The following NFASC variants were observed in gnomAD, a reference collection of about 807,000 sequenced individuals.
The protein encoded by NFASC is neurofascin homolog.
A neutral mutation model predicts 147.5 loss-of-function variants in NFASC; 43 were observed. The ratio of observed to expected loss-of-function variants is 0.29; its 90% confidence interval spans 0.23 to 0.38. The LOEUF (loss-of-function observed/expected upper bound fraction) is 0.38. NFASC is among the 10% of genes least tolerant of loss of function. The pLI, the probability that NFASC is intolerant of heterozygous loss-of-function variation, is 1.00. For synonymous variants in NFASC, 622 were observed against 665.5 expected (o/e 0.93, Z 1.01); for missense variants, 1,320 against 1,689.0 (o/e 0.78, Z 3.83).
chr1:204,866,282 G>A (rs1278649767), intron 1 of NFASC, among the ~76,000 whole-genome samples: 1 of 152,172 alleles, frequency 6.6e-6, no homozygotes, highest in African/African-American at 2.4e-5. Context: ...GAGTGTGTGC[G>A]TAGTGGGGGC....
intron 7 of NFASC, among the ~76,000 whole-genome samples, chr1:204,956,570 G>A (rs115930085): frequency 0.011 from 1,649 of 152,236 alleles, 24 homozygotes; most frequent in Non-Finnish European, 0.016. Context: ...TGTTCTGCTC[G>A]CCACGCTGCA....
At chr1:204,944,428 T>C (rs752463130) in intron 3 of NFASC, 22 bp downstream of exon 3, 250 of 1,238,624 alleles carry the variant, frequency 2.0e-4, no homozygotes, top group Non-Finnish European at 2.6e-4. Flanking sequence ...CCCATTCTCT[T>C]CTCTTTTTTT....
intron 24 of NFASC, among the ~76,000 whole-genome samples, chr1:204,996,627 G>C (rs1165035512): frequency 1.3e-5 from 2 of 152,218 alleles, no homozygotes; most frequent in Admixed American, 1.3e-4. Flanking sequence ...TTCCCTCTCT[G>C]TCATCGGGTT....
chr1:205,013,850 G>C (rs1010032772), intron 29 of NFASC, among the ~76,000 whole-genome samples: 3 of 152,162 alleles, frequency 2.0e-5, no homozygotes, highest in African/African-American at 7.2e-5. Flanking sequence ...CTGCCCATCA[G>C]CCTGGCAAGC....
intron 1 of NFASC, among the ~76,000 whole-genome samples, chr1:204,882,132 C>T (rs1397755420): frequency 1.3e-5 from 2 of 152,200 alleles, no homozygotes; most frequent in Admixed American, 1.3e-4. Context: ...GTGCTCCCTG[C>T]ACCTATCTGG....
chr1:204,920,751 C>T lies in NFASC; in HGVS notation c.-91+11C>T, dbSNP rs2090282336. ...AATGAGGCAGAGAAGGTAAGCAGGA[C>T]TTGGGCCTGGGGTATGTGTCATTGG... is the stretch of plus-strand genomic sequence containing the variant. On this transcript the variant is annotated intron_variant, in intron 2 of 29. Transcript: ENST00000339876. The T allele has an allele frequency of 8.0e-7, 1 of 1,244,770 alleles. No individual in the cohort carries two copies. The highest frequency in any genetic ancestry group is 1.1e-6 in the Non-Finnish European group (1 of 947,988). 77.1% of individuals were successfully genotyped at this position (1,244,770 alleles called of 1,614,324 possible).
In NFASC at chr1:205,010,900, C is replaced by T. The variant is rs943617995; in HGVS notation, c.3421+1212C>T. The T allele has an allele frequency of 3.6e-4, 50 of 137,082 alleles. No individual in the cohort carries two copies. The highest frequency in any genetic ancestry group is 1.3e-3 in the African/African-American group (48 of 38,270). 8.5% of individuals were successfully genotyped at this position (137,082 alleles called of 1,614,324 possible). ...CCTGGGCGGCAGAGCAAGACTCCGT[C>T]TCAAAAAAGGAAAAAAAAAAAAAAA... On this transcript the variant is annotated intron_variant, in intron 28 of 29. Transcript: ENST00000339876. This position sits in a 1 kb window ranked among gnomAD's most constrained non-coding sequence, Gnocchi z 4.1.
intron 1 of NFASC, among the ~76,000 whole-genome samples, chr1:204,869,495 A>G (rs765373626): frequency 3.3e-5 from 5 of 152,168 alleles, no homozygotes; most frequent in Non-Finnish European, 7.4e-5. Context: ...ATTTTACTAT[A>G]TTATTTTATC....
At chr1:204,855,157 A>G (rs1236843432) in intron 1 of NFASC, among the ~76,000 whole-genome samples, 1 of 152,256 alleles carries the variant, frequency 6.6e-6, no homozygotes, top group Non-Finnish European at 1.5e-5. Flanking sequence ...TCTTCGCACT[A>G]TCAGAGCTGC....
intron 1 of NFASC, among the ~76,000 whole-genome samples, chr1:204,887,404 T>C (rs2081501781): frequency 1.3e-5 from 2 of 152,322 alleles, no homozygotes; most frequent in South Asian, 2.1e-4. Context: ...CCATTGTCAA[T>C]GGACATTTGG....
chr1:204,837,962 A>G (rs535835123), intron 1 of NFASC, among the ~76,000 whole-genome samples: 1 of 152,342 alleles, frequency 6.6e-6, no homozygotes, highest in East Asian at 1.9e-4. Context: ...TGAGAATTCC[A>G]GCACACTGCT....
At chr1:204,854,794 T>G (rs747550661) in intron 1 of NFASC, among the ~76,000 whole-genome samples, 1 of 152,208 alleles carries the variant, frequency 6.6e-6, no homozygotes, top group African/African-American at 2.4e-5. Context: ...CCCTGGCAAG[T>G]CCTTGGTAAG....
chr1:204,947,897 CCTG>C (rs1218448588), intron 3 of NFASC, among the ~76,000 whole-genome samples: 11 of 152,060 alleles, frequency 7.2e-5, no homozygotes, highest in Non-Finnish European at 1.6e-4. Context: ...CACGCTCACA[CCTG>C]CTCACTCATG....
chr1:204,952,644 G>T (rs1375137123), intron 5 of NFASC, among the ~76,000 whole-genome samples: 2 of 152,176 alleles, frequency 1.3e-5, no homozygotes, highest in Non-Finnish European at 2.9e-5. Flanking sequence ...GAGGGGAAAA[G>T]GGGTACAAAG....
At chr1:204,929,980 G>T (rs555772251) in intron 2 of NFASC, among the ~76,000 whole-genome samples, 1 of 152,292 alleles carries the variant, frequency 6.6e-6, no homozygotes, top group Admixed American at 6.5e-5. Flanking sequence ...AAGGGAGGTG[G>T]CCATGGGGAT....
intron 1 of NFASC, among the ~76,000 whole-genome samples, chr1:204,877,302 C>T (rs561332992): frequency 1.9e-4 from 29 of 151,552 alleles, no homozygotes; most frequent in Non-Finnish European, 3.8e-4. Flanking sequence ...TCTGCACACC[C>T]AATGGTGAAA....
At chr1:204,913,941 T>G (rs181661909) in intron 1 of NFASC, among the ~76,000 whole-genome samples, 7 of 146,100 alleles carry the variant, frequency 4.8e-5, no homozygotes, top group African/African-American at 1.8e-4. Context: ...GAAATGTTAA[T>G]GAAAAACATG....
At chr1:205,001,329 G>C in intron 26 of NFASC, 43 bp downstream of exon 26, 2 of 1,276,484 alleles carry the variant, frequency 1.6e-6, no homozygotes. Flanking sequence ...CAGCGGCGTC[G>C]GCAGCAGCGG....
At chr1:204,839,300 A>G (rs139110853) in intron 1 of NFASC, among the ~76,000 whole-genome samples, 53 of 150,552 alleles carry the variant, frequency 3.5e-4, no homozygotes, top group African/African-American at 1.3e-3. Context: ...TACTGCGGGC[A>G]TTGACAAAGG....
Sources: allele counts gnomAD v4.1 joint callset (sites outside exome capture counted in the v4.1 genomes callset), GRCh38; gene constraint gnomAD v4.1.1; non-coding constraint Gnocchi (gnomAD v3.1); transcripts MANE v1.5; gene names NCBI Gene and HGNC (gene_info 2026-07-23, HGNC 2026-07-21).